The following WDR59 variants were observed in gnomAD, a reference collection of about 807,000 sequenced individuals.
The protein encoded by WDR59 is WD repeat domain 59, also known as GATOR2 complex protein WDR59.
Under a neutral mutation model 131.2 loss-of-function variants are expected in WDR59, and 100 were observed. That is an observed-to-expected ratio of 0.76 (90% CI 0.65 to 0.90). WDR59 has a LOEUF of 0.90. Among genes scored for constraint, WDR59 ranks in the 40% least tolerant of loss-of-function variants. The pLI, the probability that WDR59 is intolerant of heterozygous loss-of-function variation, is 0.00. For missense variants in WDR59, 1,203 were observed against 1,262.2 expected, an observed-to-expected ratio of 0.95 and a Z score of 0.71; for synonymous variants, 601 against 466.2, an observed-to-expected ratio of 1.29 and a Z score of -3.72.
rs1158020241 is a variant in WDR59 at position 74,873,254 on chromosome 16, C to T, written c.*955G>A. ...AGAGATGGGATCTCCTTATGTTGCC[C>T]AGGCTGGTCTCGAACTCCTGAGCTC... On this transcript the variant is annotated 3_prime_UTR_variant, in exon 26 of 26. Transcript: ENST00000262144. 3.3e-5 allele frequency: 5 copies of T among 152,174 alleles called. No homozygotes were observed. In the East Asian group the frequency reaches 9.7e-4, roughly 29 times the overall value. The allele number at this position is 152,174 out of a possible 1,614,324, so 9.4% of individuals were successfully genotyped here.
chr16:74,952,713 T>A (rs1017780655), intron 3 of WDR59, among the ~76,000 whole-genome samples: 3 of 151,244 alleles, frequency 2.0e-5, no homozygotes, highest in African/African-American at 4.8e-5. Context: ...CTGAAAGTGA[T>A]AAAGATTACT....
intron 25 of WDR59, among the ~76,000 whole-genome samples, chr16:74,885,202 C>T (rs1412571229): frequency 6.6e-6 from 1 of 152,110 alleles, no homozygotes; most frequent in East Asian, 1.9e-4. Context: ...CCTGTAATCC[C>T]AGCACTTTGG....
intron 6 of WDR59, among the ~76,000 whole-genome samples, chr16:74,944,991 G>A (rs1357468856): frequency 6.6e-5 from 10 of 152,108 alleles, no homozygotes; most frequent in Admixed American, 2.6e-4. Flanking sequence ...GGGTGTGGTG[G>A]CCCATGCCTG....
At chr16:74,918,583 G>C (rs921426521) in intron 10 of WDR59, among the ~76,000 whole-genome samples, 2 of 152,102 alleles carry the variant, frequency 1.3e-5, no homozygotes, top group Non-Finnish European at 2.9e-5. Context: ...GTACTTAATT[G>C]ACTGAATCAT....
At chr16:74,978,482 T>C (rs1597826587) in intron 1 of WDR59, among the ~76,000 whole-genome samples, 2 of 152,252 alleles carry the variant, frequency 1.3e-5, no homozygotes, top group Admixed American at 6.6e-5. Flanking sequence ...CTGAGAAAGA[T>C]TCTGTCCCTT....
chr16:74,943,422 G>C (rs72798654), intron 6 of WDR59, among the ~76,000 whole-genome samples: 2,882 of 152,136 alleles, frequency 0.019, 50 homozygotes, highest in Middle Eastern at 0.054. Context: ...AAGGGAAAGG[G>C]AACACCCTTG....
intron 8 of WDR59, among the ~76,000 whole-genome samples, chr16:74,935,928 C>T (rs1219553934): frequency 2.0e-5 from 3 of 150,544 alleles, no homozygotes; most frequent in Admixed American, 6.7e-5. Flanking sequence ...ACCTGGGAGA[C>T]GGAGGTTGCA....
intron 18 of WDR59, 46 bp downstream of exon 18, chr16:74,903,901 T>C (rs748124245): frequency 1.3e-6 from 2 of 1,570,998 alleles, no homozygotes; most frequent in Admixed American, 3.7e-5. Context: ...GGAACAAGAA[T>C]CCAGGAGAAG....
At chr16:74,936,890 A>T (rs979061572) in intron 8 of WDR59, among the ~76,000 whole-genome samples, 2 of 152,156 alleles carry the variant, frequency 1.3e-5, no homozygotes, top group Non-Finnish European at 2.9e-5. Context: ...CAAAAAAGTC[A>T]CATCTGACAC....
In WDR59 at chr16:74,963,251, C is replaced by CA. The variant is rs766954320; in HGVS notation, c.104+2521dup. On this transcript the variant is annotated intron_variant, in intron 2 of 25. Coordinates refer to ENST00000262144, the MANE Select transcript of WDR59 (RefSeq NM_030581.4). ...CTGGGTGACAGAGAGACTCCGTCTTCAAAAAAAAATACAAATAAAAATAAA... is the reference window on the plus strand; with the variant it reads ...CTGGGTGACAGAGAGACTCCGTCTTCAAAAAAAAAATACAAATAAAAATAAA... The CA allele has an allele frequency of 3.0e-4, 44 of 148,588 alleles. 1 individual carries two copies. Among genetic ancestry groups the CA allele is most frequent in the East Asian group, 1.6e-3 (8 of 5,068 alleles). 9.2% of individuals were successfully genotyped at this position (148,588 alleles called of 1,614,324 possible).
At chr16:74,941,694 G>GA (rs11379528) in intron 7 of WDR59, among the ~76,000 whole-genome samples, 70,212 of 137,336 alleles carry the variant, frequency 0.51, 18,735 homozygotes, top group African/African-American at 0.71. Flanking sequence ...TCTGTCTCAA[G>GA]AAAAAAAAAA....
At chr16:74,954,082 C>T (rs372590311) in intron 3 of WDR59, among the ~76,000 whole-genome samples, 4 of 151,952 alleles carry the variant, frequency 2.6e-5, no homozygotes, top group African/African-American at 9.7e-5. Flanking sequence ...ATAAGATACT[C>T]AACATCCTTA....
At chr16:74,964,674 C>A (rs1567437299) in intron 2 of WDR59, among the ~76,000 whole-genome samples, 1 of 152,038 alleles carries the variant, frequency 6.6e-6, no homozygotes, top group Non-Finnish European at 1.5e-5. Context: ...TAAACAACTA[C>A]ATTAATGAAA....
At chr16:74,911,820 T>C (rs972524848) in intron 14 of WDR59, among the ~76,000 whole-genome samples, 5 of 152,230 alleles carry the variant, frequency 3.3e-5, no homozygotes, top group Admixed American at 1.3e-4. Context: ...CTAAATGAAA[T>C]TGGATTGCAA....
intron 13 of WDR59, 52 bp from the exon 14 acceptor site, chr16:74,912,414 T>A: frequency 6.3e-7 from 1 of 1,576,634 alleles, no homozygotes. Flanking sequence ...AAAGCGTCTT[T>A]CGATGCAAGC....
intron 2 of WDR59, among the ~76,000 whole-genome samples, chr16:74,961,550 A>G (rs1191214932): frequency 6.6e-6 from 1 of 152,136 alleles, no homozygotes; most frequent in Non-Finnish European, 1.5e-5. Context: ...ATGATCAGTA[A>G]TGATGAGCTT....
At chr16:74,981,660 ATTT>A (rs1181233727) in intron 1 of WDR59, among the ~76,000 whole-genome samples, 2 of 80,864 alleles carry the variant, frequency 2.5e-5, no homozygotes, top group African/African-American at 7.4e-5. Flanking sequence ...ATATATATAT[ATTT>A]TTTTTTTTTT....
intron 8 of WDR59, among the ~76,000 whole-genome samples, chr16:74,933,904 T>C (rs1175042330): frequency 2.0e-5 from 3 of 152,178 alleles, no homozygotes; most frequent in Non-Finnish European, 4.4e-5. Flanking sequence ...TTTAGACCCT[T>C]ATATAACAAC....
chr16:74,949,889 C>T, intron 4 of WDR59, 91 bp from the exon 5 acceptor site: 1 of 1,133,366 alleles, frequency 8.8e-7, no homozygotes, highest in East Asian at 2.5e-5. Flanking sequence ...CCAGTGGCTT[C>T]AGAATGTCAT....
Sources: allele counts gnomAD v4.1 joint callset (sites outside exome capture counted in the v4.1 genomes callset), GRCh38; gene constraint gnomAD v4.1.1; transcripts MANE v1.5; gene names NCBI Gene and HGNC (gene_info 2026-07-23, HGNC 2026-07-21).